The following SLC9B1 variants were observed in gnomAD, a reference collection of about 807,000 sequenced individuals.
The protein encoded by SLC9B1 is sodium/hydrogen exchanger 9B1.
In SLC9B1, 32 loss-of-function variants were observed where a neutral mutation model predicts 51.7. The observed-to-expected ratio is 0.62, with a 90% CI of 0.47 to 0.83. The LOEUF (loss-of-function observed/expected upper bound fraction) is 0.83. SLC9B1 is among the 40% of genes least tolerant of loss of function. The probability of loss-of-function intolerance (pLI) is 0.00; values close to 1 mark genes in which losing one functional copy is unlikely to be tolerated. For missense variants in SLC9B1, 406 were observed against 613.2 expected, an observed-to-expected ratio of 0.66 and a Z score of 3.57; for synonymous variants, 145 against 212.7, an observed-to-expected ratio of 0.68 and a Z score of 2.77.
chr4:102,901,481 T>A (rs1734792088), intron 11 of SLC9B1, 149 bp from the exon 12 acceptor site: 1 of 962,832 alleles, frequency 1.0e-6, no homozygotes, highest in East Asian at 2.9e-5. Context: ...TACTCATCAG[T>A]TCCATGTTCT....
chr4:102,926,043 A>G (rs1179490620), intron 7 of SLC9B1, among the ~76,000 whole-genome samples: 2 of 152,296 alleles, frequency 1.3e-5, no homozygotes, highest in African/African-American at 4.8e-5. Flanking sequence ...ACAAAATTCA[A>G]CACTCCTTCA....
At chr4:102,954,450 C>A (rs868160349) in intron 3 of SLC9B1, among the ~76,000 whole-genome samples, 3 of 38,396 alleles carry the variant, frequency 7.8e-5, no homozygotes, top group East Asian at 7.5e-4. Context: ...GGTTGTGTCT[C>A]AGGCAAAAAT....
At chr4:102,919,548 G>A (rs1353779018) in intron 7 of SLC9B1, among the ~76,000 whole-genome samples, 1 of 152,174 alleles carries the variant, frequency 6.6e-6, no homozygotes, top group Non-Finnish European at 1.5e-5. Flanking sequence ...CATCTCATTG[G>A]GACTGGTTGG....
chr4:102,911,823 T>G (rs1454252203), intron 7 of SLC9B1, among the ~76,000 whole-genome samples: 1 of 152,038 alleles, frequency 6.6e-6, no homozygotes, highest in Non-Finnish European at 1.5e-5. Flanking sequence ...TCCCCTTACA[T>G]AGCCAACTTA....
chr4:102,947,130 G>A (rs1228551762), intron 4 of SLC9B1, among the ~76,000 whole-genome samples: 1 of 152,142 alleles, frequency 6.6e-6, no homozygotes, highest in Non-Finnish European at 1.5e-5. Flanking sequence ...AATGAGTCTT[G>A]CGTTTTTTAT....
At chr4:102,909,833 A>AT (rs1735252792) in intron 9 of SLC9B1, among the ~76,000 whole-genome samples, 4 of 117,638 alleles carry the variant, frequency 3.4e-5, no homozygotes, top group South Asian at 2.7e-4. Flanking sequence ...TTATTTATTT[A>AT]TTTTTTTGTG....
rs149874100 is a variant in SLC9B1, at chr4:102,945,299, C to T, written c.547G>A (p.Val183Ile). The change falls in exon 6 of 12, where the codon GTT becomes ATT. Residue 183 changes from valine (V) to isoleucine (I), a missense_variant. Val to Ile is a conservative substitution (Grantham distance 29, BLOSUM62 3). Coordinates refer to ENST00000296422, the MANE Select transcript of SLC9B1 (RefSeq NM_139173.4). Reference sequence around the variant, plus strand: ...GGACCTACAGCCAATCTGAAACAAACGACCTTCAAATGCCTCAAAGCCTGA... The same window carrying T: ...GGACCTACAGCCAATCTGAAACAAATGACCTTCAAATGCCTCAAAGCCTGA... ...DPQALRHLKV[V>I]CFRLAVGPCL... The T allele has an allele frequency of 1.7e-3, 2,705 of 1,596,126 alleles. 3 individuals carry two copies. The highest frequency in any genetic ancestry group is 3.0e-3 in the Middle Eastern group (18 of 5,982).
At chr4:102,920,816 TGAA>T (rs1369340209) in intron 7 of SLC9B1, among the ~76,000 whole-genome samples, 2 of 152,096 alleles carry the variant, frequency 1.3e-5, no homozygotes, top group African/African-American at 4.8e-5. Flanking sequence ...TATCAGTGAT[TGAA>T]GATCAAATAA....
chr4:102,935,714 C>CT (rs35127221), intron 6 of SLC9B1, among the ~76,000 whole-genome samples: 25 of 151,968 alleles, frequency 1.6e-4, no homozygotes, highest in South Asian at 4.1e-4. Flanking sequence ...AAATAATACT[C>CT]TTTTTTTTCT....
intron 7 of SLC9B1, among the ~76,000 whole-genome samples, chr4:102,922,907 A>ACC (rs1735955784): frequency 1.3e-5 from 2 of 152,178 alleles, no homozygotes; most frequent in South Asian, 4.1e-4. Context: ...AATTGAGGCA[A>ACC]TAATTAATAG....
intron 1 of SLC9B1, among the ~76,000 whole-genome samples, chr4:103,003,251 A>G (rs2110532036): frequency 6.6e-6 from 1 of 152,234 alleles, no homozygotes; most frequent in South Asian, 2.1e-4. Context: ...GAAATGCTCT[A>G]TTATCGATAA....
chr4:102,966,804 T>C (rs1038555983), intron 3 of SLC9B1, among the ~76,000 whole-genome samples: 1 of 152,232 alleles, frequency 6.6e-6, no homozygotes, highest in Non-Finnish European at 1.5e-5. Flanking sequence ...CTCCTGAAAA[T>C]GCTCTTTCAT....
At chr4:102,904,062 CTT>C (rs752774697) in intron 11 of SLC9B1, among the ~76,000 whole-genome samples, 17 of 144,574 alleles carry the variant, frequency 1.2e-4, no homozygotes, top group Admixed American at 2.1e-4. Context: ...TTTTACTTTA[CTT>C]TTTTTTTTTT....
chr4:102,960,648 G>T (rs1004795360), intron 3 of SLC9B1, among the ~76,000 whole-genome samples: 1 of 151,838 alleles, frequency 6.6e-6, no homozygotes, highest in African/African-American at 2.4e-5. Context: ...TCTATTGAGT[G>T]GTAAGATATG....
chr4:102,987,890 CT>C (rs1379311125), intron 3 of SLC9B1, among the ~76,000 whole-genome samples: 2 of 151,986 alleles, frequency 1.3e-5, no homozygotes, highest in African/African-American at 4.8e-5. Flanking sequence ...TGCCCTGTGA[CT>C]CACTTCTCTG....
chr4:103,015,846 T>C (rs1280147478), intron 1 of SLC9B1, among the ~76,000 whole-genome samples: 2 of 152,030 alleles, frequency 1.3e-5, no homozygotes, highest in Non-Finnish European at 2.9e-5. Flanking sequence ...TATACGTTCA[T>C]GTGGTTGGGT....
chr4:102,909,243 C>G (rs571622117), intron 9 of SLC9B1, among the ~76,000 whole-genome samples: 3 of 152,004 alleles, frequency 2.0e-5, no homozygotes, highest in Non-Finnish European at 4.4e-5. Context: ...TGGGAGGATC[C>G]CTTCAGCTCA....
intron 7 of SLC9B1, among the ~76,000 whole-genome samples, chr4:102,919,080 AT>A (rs1381647095): frequency 6.6e-6 from 1 of 151,716 alleles, no homozygotes; most frequent in Admixed American, 6.6e-5. Context: ...CCACAAAACC[AT>A]TTTTTCCCTC....
intron 3 of SLC9B1, among the ~76,000 whole-genome samples, chr4:102,972,232 A>C (rs1002136341): frequency 1.2e-4 from 18 of 152,330 alleles, no homozygotes; most frequent in African/African-American, 4.3e-4. Flanking sequence ...ATCAATGCAA[A>C]AATCCTCAAT....
Sources: allele counts gnomAD v4.1 joint callset (sites outside exome capture counted in the v4.1 genomes callset), GRCh38; gene constraint gnomAD v4.1.1; transcripts MANE v1.5; gene names NCBI Gene and HGNC (gene_info 2026-07-23, HGNC 2026-07-21).